The following CYB5RL variants were observed in gnomAD, a reference collection of about 807,000 sequenced individuals.
CYB5RL encodes NADH-cytochrome b5 reductase-like.
CYB5RL carries 38 observed loss-of-function variants against 37.5 expected under a neutral mutation model. The observed-to-expected ratio is 1.01, with a 90% CI of 0.78 to 1.33. CYB5RL has a LOEUF of 1.33. CYB5RL is among the 40% of genes most tolerant of loss of function. CYB5RL has a pLI of 0.00. For synonymous variants in CYB5RL, 141 were observed against 151.9 expected, an observed-to-expected ratio of 0.93 and a Z score of 0.53; for missense variants, 388 against 394.4, an observed-to-expected ratio of 0.98 and a Z score of 0.14.
intron 4 of CYB5RL, among the ~76,000 whole-genome samples, chr1:54,188,082 A>G (rs1449351872): frequency 6.6e-6 from 1 of 152,188 alleles, no homozygotes; most frequent in Non-Finnish European, 1.5e-5. Context: ...GTCTCAAACA[A>G]ACAAACAACT....
At chr1:54,187,209 C>A (rs1293910526) in intron 5 of CYB5RL, among the ~76,000 whole-genome samples, 1 of 152,156 alleles carries the variant, frequency 6.6e-6, no homozygotes, top group African/African-American at 2.4e-5. Flanking sequence ...ATCCACCCTG[C>A]CTTCTCCACC....
intron 1 of CYB5RL, among the ~76,000 whole-genome samples, chr1:54,197,339 A>C (rs1278633528): frequency 2.3e-5 from 3 of 131,594 alleles, no homozygotes; most frequent in Non-Finnish European, 3.2e-5. Context: ...TTTTTGAGAC[A>C]GAGTCTCACT....
chr1:54,190,529 T>C, intron 4 of CYB5RL: 1 of 645,164 alleles, frequency 1.5e-6, no homozygotes. Context: ...AACTGTGCCT[T>C]GGATAGTAAA....
intron 6 of CYB5RL, among the ~76,000 whole-genome samples, chr1:54,182,331 A>T (rs577203611): frequency 5.9e-5 from 9 of 152,332 alleles, no homozygotes; most frequent in Admixed American, 1.3e-4. Flanking sequence ...CACGTGCTTG[A>T]TATTATTATA....
intron 1 of CYB5RL, among the ~76,000 whole-genome samples, chr1:54,197,941 T>C (rs1160061653): frequency 7.1e-6 from 1 of 140,558 alleles, no homozygotes; most frequent in Admixed American, 8.1e-5. Flanking sequence ...GGCAGGAGAA[T>C]GGCGTGAACC....
At chr1:54,184,452 T>C (rs755507654) in intron 5 of CYB5RL, 187 bp from the exon 6 acceptor site, 1 of 554,980 alleles carries the variant, frequency 1.8e-6, no homozygotes, top group Non-Finnish European at 3.2e-6. Context: ...CCCAGAAGCT[T>C]ACACAGAAGG....
chr1:54,199,677 G>A (rs1244447098), intron 1 of CYB5RL, among the ~76,000 whole-genome samples: 1 of 152,198 alleles, frequency 6.6e-6, no homozygotes, highest in African/African-American at 2.4e-5. Flanking sequence ...AAGGAAAAGC[G>A]AGGAAAGTGG....
At position 54,190,874 on chromosome 1, in the gene CYB5RL, G is replaced by A; in HGVS notation, c.221C>T (p.Pro74Leu). ...ESQSCPSKLNPETFVAFCIIA... is the reference protein window; with the variant it reads ...ESQSCPSKLNLETFVAFCIIA... ...GATGCAGAAGGCCACGAAGGTCTCT[G>A]GGTTCAGCTTGGAGGGGCAGCTCTG... is the stretch of plus-strand genomic sequence containing the variant. Residue 74 changes from proline to leucine, a missense_variant, in exon 4 of 8, where the codon CCA becomes CTA. Physicochemically the swap from Pro to Leu is moderately conservative, Grantham distance 98. Coordinates refer to ENST00000534324, the MANE Select transcript of CYB5RL (RefSeq NM_001031672.4). The A allele has an allele frequency of 1.9e-6, 3 of 1,612,026 alleles. No individual in the cohort carries two copies. The highest frequency in any genetic ancestry group is 1.1e-5 in the South Asian group (1 of 90,478).
intron 1 of CYB5RL, among the ~76,000 whole-genome samples, chr1:54,197,312 CTTTTCT>C (rs1644016736): frequency 7.7e-6 from 1 of 130,380 alleles, no homozygotes; most frequent in African/African-American, 2.9e-5. Context: ...TTTTTCTTTT[CTTTTCT>C]TTTTTTTTTT....
At chr1:54,179,529 G>C (rs747322258) in intron 6 of CYB5RL, among the ~76,000 whole-genome samples, 177 bp from the exon 7 acceptor site, 2 of 152,164 alleles carry the variant, frequency 1.3e-5, no homozygotes, top group Non-Finnish European at 2.9e-5. Context: ...TTTGTGAAAG[G>C]CATGTGAGGT....
At chr1:54,190,937 CACAG>C in intron 3 of CYB5RL, 41 bp from the exon 4 acceptor site, 1 of 1,592,738 alleles carries the variant, frequency 6.3e-7, no homozygotes, top group South Asian at 1.1e-5. Flanking sequence ...GCCGGGGCTC[CACAG>C]ACACACAGGC....
chr1:54,183,930 G>A (rs1225403220), intron 6 of CYB5RL: 4 of 234,776 alleles, frequency 1.7e-5, no homozygotes, highest in African/African-American at 6.9e-5. Flanking sequence ...AGCCGAGATC[G>A]CGTCACTGCA....
chr1:54,178,626 T>C (rs1660079719), intron 7 of CYB5RL, among the ~76,000 whole-genome samples: 2 of 152,128 alleles, frequency 1.3e-5, no homozygotes, highest in South Asian at 2.1e-4. Context: ...GGGAGGATAC[T>C]AGCAAGCACA....
At chr1:54,184,288 G>C (rs753112264) in intron 5 of CYB5RL, 23 bp from the exon 6 acceptor site, 2 of 1,601,640 alleles carry the variant, frequency 1.2e-6, no homozygotes, top group African/African-American at 2.7e-5. Context: ...ACAGGGAGAC[G>C]TCAGCGGGAC....
chr1:54,186,313 C>T (rs565316931), intron 5 of CYB5RL: 3 of 152,240 alleles, frequency 2.0e-5, no homozygotes, highest in South Asian at 2.1e-4. Flanking sequence ...ATATGACCTA[C>T]TCTATAGGTT....
intron 3 of CYB5RL, among the ~76,000 whole-genome samples, chr1:54,193,973 A>C (rs1643980653): frequency 1.3e-5 from 2 of 149,632 alleles, no homozygotes; most frequent in East Asian, 3.9e-4. Context: ...CTGCCTCAAT[A>C]ATAATAATAA....
At chr1:54,198,621 A>G (rs988246542) in intron 1 of CYB5RL, among the ~76,000 whole-genome samples, 7 of 129,222 alleles carry the variant, frequency 5.4e-5, no homozygotes, top group African/African-American at 1.2e-4. Context: ...GTGAGCCACC[A>G]TGCCCGGCCT....
intron 1 of CYB5RL, among the ~76,000 whole-genome samples, chr1:54,197,664 T>C (rs531375836): frequency 6.6e-6 from 1 of 152,266 alleles, no homozygotes; most frequent in Admixed American, 6.5e-5. Context: ...GCTGTTTGAC[T>C]GGCTAGGGTT....
At chr1:54,196,857 A>C (rs1304310777) in intron 1 of CYB5RL, among the ~76,000 whole-genome samples, 1 of 152,158 alleles carries the variant, frequency 6.6e-6, no homozygotes, top group African/African-American at 2.4e-5. Context: ...GGTCCAGGTG[A>C]GATGATATGA....
Sources: gnomAD v4.1 joint callset for allele counts (sites outside exome capture counted in the v4.1 genomes callset) on GRCh38, gnomAD v4.1.1 for gene constraint, MANE v1.5 for transcripts, NCBI Gene and HGNC (gene_info 2026-07-23, HGNC 2026-07-21) for gene names.